The following CFAP74 variants were observed in gnomAD, a reference collection of about 807,000 sequenced individuals.
CFAP74 encodes cilia and flagella associated protein 74.
A neutral mutation model predicts 188.9 loss-of-function variants in CFAP74; 124 were observed. That is an observed-to-expected ratio of 0.66 (90% CI 0.57 to 0.76). CFAP74 has a LOEUF of 0.76. Among genes scored for constraint, CFAP74 ranks in the 30% least tolerant of loss-of-function variants. CFAP74 has a pLI of 0.00. For missense variants in CFAP74, 2,198 were observed against 2,165.2 expected (o/e 1.02, Z -0.30); for synonymous variants, 956 against 916.7 (o/e 1.04, Z -0.77).
rs1651567998 is a variant in CFAP74, at chr1:1,923,557, G to C, written c.4390-58C>G. 3 of 1,584,970 alleles carry C rather than the reference G, an allele frequency of 1.9e-6. No homozygotes were observed. Among genetic ancestry groups the C allele is most frequent in the Non-Finnish European group, 2.6e-6 (3 of 1,162,464 alleles). ...GAAGCTCGGCGGCAGGGGTCCTGCT[G>C]GTGAGAGCTGGGCTGGCTCAGGGAA... On this transcript the variant is annotated intron_variant, in intron 35 of 38. Coordinates refer to ENST00000682832, the MANE Select transcript of CFAP74 (RefSeq NM_001304360.2). The surrounding 1 kb of genome is among the most constrained non-coding windows in gnomAD (Gnocchi z 6.3).
intron 16 of CFAP74, 34 bp from the exon 17 acceptor site, chr1:1,956,818 C>A (rs771404013): frequency 1.2e-6 from 2 of 1,600,532 alleles, no homozygotes. Context: ...TCAGGGCCAC[C>A]GTGCCAGGCC....
At chr1:1,983,265 G>A (rs977657826) in intron 6 of CFAP74, among the ~76,000 whole-genome samples, 3 of 152,232 alleles carry the variant, frequency 2.0e-5, no homozygotes, top group East Asian at 1.9e-4. Context: ...GGATGCCAGC[G>A]CTCGTGTGAA....
At chr1:1,924,947 C>T (rs530019331) in intron 33 of CFAP74, among the ~76,000 whole-genome samples, 3 of 152,366 alleles carry the variant, frequency 2.0e-5, no homozygotes, top group African/African-American at 7.2e-5. Flanking sequence ...AAGCAGGTGT[C>T]CCTCCCGGAC....
At chr1:1,979,452 GTGA>G (rs1219914676) in intron 6 of CFAP74, among the ~76,000 whole-genome samples, 2 of 134,696 alleles carry the variant, frequency 1.5e-5, no homozygotes, top group African/African-American at 5.4e-5. Flanking sequence ...AAGGCGTCAC[GTGA>G]TGAAGCTGCA....
At chr1:1,958,973 A>G in intron 16 of CFAP74, 147 bp downstream of exon 16, 1 of 618,902 alleles carries the variant, frequency 1.6e-6, no homozygotes, top group South Asian at 1.9e-5. Context: ...CTGCTGTTGG[A>G]AGAAGGGGCT....
At chr1:1,976,219 CGT>C (rs1480809433) in intron 6 of CFAP74, among the ~76,000 whole-genome samples, 2 of 152,250 alleles carry the variant, frequency 1.3e-5, no homozygotes, top group African/African-American at 2.4e-5. Context: ...GGTTTGGACG[CGT>C]GTCCCCCGCA....
At chr1:1,956,499 C>G in intron 17 of CFAP74, 121 bp downstream of exon 17, 1 of 1,222,224 alleles carries the variant, frequency 8.2e-7, no homozygotes, top group Non-Finnish European at 1.2e-6. Flanking sequence ...GGCCCCCACA[C>G]TGCCCTCCTT....
In CFAP74 at chr1:1,944,314, G is replaced by C. The variant is rs1417004397; in HGVS notation, c.2486+17C>G. On this transcript the variant is annotated intron_variant, in intron 21 of 38. Coordinates refer to ENST00000682832, the MANE Select transcript of CFAP74 (RefSeq NM_001304360.2). ...GTGCGTGGGTCACCCCGTGTGCATG[G>C]ACAGGAGGGGGCTCACCGCGTGTGC... 1 of 1,534,016 alleles carries C rather than the reference G, an allele frequency of 6.5e-7. No homozygotes were observed. Among genetic ancestry groups the C allele is most frequent in the Non-Finnish European group, 8.7e-7 (1 of 1,146,240 alleles).
chr1:1,988,625 A>G lies in CFAP74; in HGVS notation c.183T>C (p.Asp61=), dbSNP rs777711367. ...CCTCAGCTGTTTTCTTCTTCAATTT[A>G]TCAGCATCAGTATCTAGTTCTTTCA... ...SSVKELDTDA[D]KLKKKTAEDR... is the part of the protein sequence containing the mutation. The change falls in exon 4 of 39, where the codon GAT becomes GAC. Residue 61 remains aspartate, a synonymous_variant. Coordinates refer to ENST00000682832, the MANE Select transcript of CFAP74 (RefSeq NM_001304360.2). 2 of 1,611,088 alleles carry G rather than the reference A, an allele frequency of 1.2e-6. No homozygotes were observed. The highest frequency in any genetic ancestry group is 1.7e-6 in the Non-Finnish European group (2 of 1,179,998).
chr1:1,957,895 A>G lies in CFAP74; in HGVS notation c.1852-1111T>C, dbSNP rs561557237. Among the ~76,000 whole-genome samples the G allele has an allele frequency of 7.5e-3, 1,141 of 152,304 alleles. 22 individuals carry two copies. The highest frequency in any genetic ancestry group is 0.026 in the African/African-American group (1,062 of 41,562). On this transcript the variant is annotated intron_variant, in intron 16 of 38. Transcript: ENST00000682832. ...GTGACCGCTCTGAGGAGAAGGCGGC[A>G]GCCACAGGGCAAGGAGCTGCTCGGG... is the stretch of plus-strand genomic sequence containing the variant.
intron 10 of CFAP74, among the ~76,000 whole-genome samples, chr1:1,969,555 T>A (rs1655778483): frequency 6.6e-6 from 1 of 152,078 alleles, no homozygotes; most frequent in Non-Finnish European, 1.5e-5. Flanking sequence ...AAGCCCTTAT[T>A]TCTAGGCTGG....
intron 24 of CFAP74, 36 bp downstream of exon 24, chr1:1,939,558 C>T: frequency 6.6e-7 from 1 of 1,519,948 alleles, no homozygotes; most frequent in South Asian, 1.2e-5. Context: ...TTCCCAGCCT[C>T]ACCCCTCTTA....
chr1:1,938,624 CACACACAA>C (rs1653122486), intron 25 of CFAP74, among the ~76,000 whole-genome samples: 1 of 152,116 alleles, frequency 6.6e-6, no homozygotes, highest in African/African-American at 2.4e-5. Flanking sequence ...ACACCCACGA[CACACACAA>C]ACACACACGT....
chr1:1,970,464 G>C (rs371026673), intron 10 of CFAP74, among the ~76,000 whole-genome samples, 195 bp downstream of exon 10: 3 of 152,192 alleles, frequency 2.0e-5, no homozygotes, highest in Non-Finnish European at 4.4e-5. Flanking sequence ...GGGCAGGGCT[G>C]GGCAGGCTGA....
At chr1:1,956,879 T>TGCCTG in intron 16 of CFAP74, 95 bp from the exon 17 acceptor site, 1 of 1,285,210 alleles carries the variant, frequency 7.8e-7, no homozygotes, top group Non-Finnish European at 1.1e-6. Flanking sequence ...AGGGCTGCCC[T>TGCCTG]GAGCATTTGT....
At chr1:1,934,505 G>A (rs889300344) in intron 25 of CFAP74, among the ~76,000 whole-genome samples, 3 of 150,454 alleles carry the variant, frequency 2.0e-5, no homozygotes, top group Non-Finnish European at 3.0e-5. Flanking sequence ...AGGTGTATAC[G>A]TGGGTGTTAG....
intron 1 of CFAP74, among the ~76,000 whole-genome samples, chr1:1,998,600 C>T (rs187622229): frequency 1.5e-3 from 228 of 152,268 alleles, no homozygotes; most frequent in African/African-American, 5.3e-3. Flanking sequence ...ATAGCCTGGG[C>T]GCGGTGGCTC....
At chr1:1,951,106 G>A (rs2490539) in intron 18 of CFAP74, among the ~76,000 whole-genome samples, 59,383 of 152,064 alleles carry the variant, frequency 0.39, 13,881 homozygotes, top group Admixed American at 0.52. Context: ...TTGACTCACA[G>A]TTCCACCTGG....
chr1:1,944,158 G>T (rs1322494895), intron 21 of CFAP74, among the ~76,000 whole-genome samples, 173 bp downstream of exon 21: 1 of 152,094 alleles, frequency 6.6e-6, no homozygotes, highest in Non-Finnish European at 1.5e-5. Context: ...CCATGTCCCC[G>T]CTGGCCACTG....
Sources: gnomAD v4.1 joint callset for allele counts (sites outside exome capture counted in the v4.1 genomes callset) on GRCh38, gnomAD v4.1.1 for gene constraint, Gnocchi (gnomAD v3.1) non-coding constraint, MANE v1.5 for transcripts, NCBI Gene and HGNC (gene_info 2026-07-23, HGNC 2026-07-21) for gene names.